Variants in CRYBG3 observed in about 807,000 individuals in gnomAD.
CRYBG3 encodes the protein very large A-kinase anchor protein.
A neutral mutation model predicts 244.2 loss-of-function variants in CRYBG3; 127 were observed. The observed-to-expected ratio is 0.52, with a 90% confidence interval of 0.45 to 0.60. CRYBG3 has a LOEUF of 0.60. CRYBG3 is among the 20% of genes least tolerant of loss of function. The pLI, the probability that CRYBG3 is intolerant of heterozygous loss-of-function variation, is 0.00. For missense variants in CRYBG3, 3,325 were observed against 3,442.5 expected, an observed-to-expected ratio of 0.97 and a Z score of 0.85; for synonymous variants, 1,132 against 1,195.8, an observed-to-expected ratio of 0.95 and a Z score of 1.10.
At chr3:97,859,859 C>A (rs1471655842) in intron 2 of CRYBG3, among the ~76,000 whole-genome samples, 1 of 152,138 alleles carries the variant, frequency 6.6e-6, no homozygotes, top group East Asian at 1.9e-4. Flanking sequence ...AATGCTAATA[C>A]TTTGTCTTTA....
intron 2 of CRYBG3, among the ~76,000 whole-genome samples, chr3:97,848,723 C>T (rs831900): frequency 0.026 from 3,909 of 152,318 alleles, 81 homozygotes; most frequent in African/African-American, 0.05. Flanking sequence ...CACCATTGCT[C>T]CTGGTGTCTG....
At chr3:97,933,174 T>C in intron 17 of CRYBG3, 1 of 440,594 alleles carries the variant, frequency 2.3e-6, no homozygotes, top group Non-Finnish European at 4.5e-6. Flanking sequence ...GAAATACTTT[T>C]AATGCAGAAA....
In CRYBG3 at chr3:97,944,974, A is replaced by AT; in HGVS notation, c.*1664dup. ...AAACTTGTCAAAATATGGTTTTGTC[A>AT]TTTTCTGAGACACTTGGTAATTTGC... On this transcript the variant is annotated 3_prime_UTR_variant, in exon 22 of 22. Coordinates refer to ENST00000389622, the MANE Select transcript of CRYBG3 (RefSeq NM_153605.4). 1 of 394,900 alleles carries AT rather than the reference A, an allele frequency of 2.5e-6. No individual in the cohort carries two copies. Among genetic ancestry groups the AT allele is most frequent in the African/African-American group, 2.1e-5 (1 of 48,126 alleles). The allele number at this position is 394,900 out of a possible 1,614,324, so 24.5% of individuals were successfully genotyped here. A position where few individuals can be genotyped will look rare whatever the true frequency, so the allele number is the denominator to read the frequency against.
At chr3:97,915,530 C>G in intron 16 of CRYBG3, 80 bp from the exon 17 acceptor site, 1 of 1,464,598 alleles carries the variant, frequency 6.8e-7, no homozygotes. Flanking sequence ...TACCCCTACC[C>G]CAATTCCCAC....
chr3:97,883,438 T>A (rs2039473056), intron 7 of CRYBG3, among the ~76,000 whole-genome samples: 2 of 152,192 alleles, frequency 1.3e-5, no homozygotes, highest in African/African-American at 4.8e-5. Flanking sequence ...CAAGGCCTAG[T>A]GGGAAAAAAA....
At chr3:97,888,926 GC>G (rs771847874) in intron 9 of CRYBG3, among the ~76,000 whole-genome samples, 1 of 152,172 alleles carries the variant, frequency 6.6e-6, no homozygotes, top group Non-Finnish European at 1.5e-5. Flanking sequence ...AATTTAAAAA[GC>G]CCAAATAATT....
At chr3:97,858,487 T>C (rs545753766) in intron 2 of CRYBG3, among the ~76,000 whole-genome samples, 1 of 152,208 alleles carries the variant, frequency 6.6e-6, no homozygotes, top group South Asian at 2.1e-4. Context: ...TCTGTGCCTT[T>C]TCCCATCTCT....
rs1489731943 is a variant in CRYBG3, at chr3:97,936,772, C to T, written c.8382-13C>T. 20 of 1,604,276 alleles carry T rather than the reference C, an allele frequency of 1.2e-5. No individual in the cohort carries two copies. The Admixed American group carries it at 1.6e-4, about 13-fold the overall frequency. On this transcript the variant is annotated splice_polypyrimidine_tract_variant and intron_variant, in intron 18 of 21. Transcript: ENST00000389622. Reference sequence around the variant, plus strand: ...TTTGAAGTACACTACTTTTTTCTTTCTTGTTCTCATAGATGGATAGCTTAT... The same window carrying T: ...TTTGAAGTACACTACTTTTTTCTTTTTTGTTCTCATAGATGGATAGCTTAT...
intron 9 of CRYBG3, 41 bp from the exon 10 acceptor site, chr3:97,889,314 A>C (rs1196693379): frequency 6.8e-7 from 1 of 1,467,964 alleles, no homozygotes. Context: ...AATGTTTTAA[A>C]TATTTACCTG....
At chr3:97,940,633 T>C (rs558533980) in intron 19 of CRYBG3, among the ~76,000 whole-genome samples, 1 of 152,180 alleles carries the variant, frequency 6.6e-6, no homozygotes, top group South Asian at 2.1e-4. Flanking sequence ...TCTCTACTTT[T>C]GAAGAAATAA....
intron 4 of CRYBG3, among the ~76,000 whole-genome samples, chr3:97,879,328 C>T (rs1446073340): frequency 6.6e-6 from 1 of 152,120 alleles, no homozygotes; most frequent in East Asian, 1.9e-4. Flanking sequence ...TTTCAAGGTC[C>T]CTCAATACTA....
rs2039356063 is a variant in CRYBG3 at position 97,875,169 on chromosome 3, T to C, written c.3975T>C (p.Phe1325=). 4 of 1,535,330 alleles carry C rather than the reference T, an allele frequency of 2.6e-6. No homozygotes were observed. Among genetic ancestry groups the C allele is most frequent in the Non-Finnish European group, 3.5e-6 (4 of 1,146,464 alleles). ...AAGAAAAATTGAGAAATGATACTTT[T>C]GAAGATACTGAGGATACTTGGGATT... ...VAQEKLRNDT[F]EDTEDTWDSE... is the part of the protein sequence containing the mutation. Residue 1325 remains phenylalanine, a synonymous_variant, in exon 4 of 22, where the codon TTT becomes TTC. Transcript: ENST00000389622.
At chr3:97,910,076 G>A (rs1211367989) in intron 15 of CRYBG3, among the ~76,000 whole-genome samples, 2 of 151,718 alleles carry the variant, frequency 1.3e-5, no homozygotes, top group Admixed American at 6.6e-5. Context: ...CAGGGGTCAG[G>A]GACCCACTTG....
rs770422571 is a variant in CRYBG3 at position 97,933,727 on chromosome 3, C to G, written c.8275C>G (p.Leu2759Val). ...FEEPSISLFA[L>V]EHCEGRELHL... ...AGAACCCTCCATCAGCCTTTTTGCT[C>G]TGGAGCATTGTGAGGGAAGAGAGTT... Residue 2759 changes from leucine (L) to valine (V), a missense_variant, in exon 18 of 22, where the codon CTG becomes GTG. Leu to Val is a conservative substitution (Grantham distance 32). This residue lies in a region of CRYBG3 where 714 missense variants were observed against 803.6 expected (regional missense o/e 0.89). Coordinates refer to ENST00000389622, the MANE Select transcript of CRYBG3 (RefSeq NM_153605.4). 1.9e-6 allele frequency: 3 copies of G among 1,612,986 alleles called. No homozygotes were observed. Among genetic ancestry groups the G allele is most frequent in the Admixed American group, 1.7e-5 (1 of 59,906 alleles).
intron 6 of CRYBG3, 46 bp downstream of exon 6, chr3:97,880,146 T>C (rs781325222): frequency 2.1e-6 from 2 of 957,698 alleles, no homozygotes; most frequent in Admixed American, 2.3e-5. Flanking sequence ...TTAAATTAAA[T>C]GTGTCTTCTT....
chr3:97,858,891 T>C (rs1053340119), intron 2 of CRYBG3, among the ~76,000 whole-genome samples: 1 of 152,206 alleles, frequency 6.6e-6, no homozygotes, highest in Non-Finnish European at 1.5e-5. Flanking sequence ...TCATGTTTCT[T>C]GTATTCCTAC....
chr3:97,920,790 A>G (rs932888917), intron 17 of CRYBG3, among the ~76,000 whole-genome samples: 11 of 152,168 alleles, frequency 7.2e-5, no homozygotes, highest in Non-Finnish European at 1.2e-4. Context: ...TCATCCTCCC[A>G]AAGTGCTGGG....
chr3:97,827,483 A>T (rs993477688), intron 1 of CRYBG3, among the ~76,000 whole-genome samples: 1 of 152,178 alleles, frequency 6.6e-6, no homozygotes, highest in Non-Finnish European at 1.5e-5. Context: ...ATCCAGCAGG[A>T]CTGTCCCTGA....
At chr3:97,910,913 C>G (rs1343014944) in intron 15 of CRYBG3, among the ~76,000 whole-genome samples, 1 of 152,202 alleles carries the variant, frequency 6.6e-6, no homozygotes, top group Admixed American at 6.5e-5. Context: ...GTTTGGACTT[C>G]ATTTCTTTGC....
Sources: gnomAD v4.1 joint callset for allele counts (sites outside exome capture counted in the v4.1 genomes callset) on GRCh38, gnomAD v4.1.1 for gene constraint, gnomAD v4.1.1 regional missense constraint, MANE v1.5 for transcripts, NCBI Gene and HGNC (gene_info 2026-07-23, HGNC 2026-07-21) for gene names.